Variants in TRPC4 observed in about 807,000 individuals in gnomAD.
The protein encoded by TRPC4 is short transient receptor potential channel 4.
Under a neutral mutation model 99.4 loss-of-function variants are expected in TRPC4, and 49 were observed. The observed-to-expected ratio is 0.49, with a 90% CI of 0.39 to 0.63. The LOEUF is 0.63. Ranked by LOEUF, TRPC4 falls within the 20% of genes least tolerant of loss-of-function variation. The pLI is 0.00. For synonymous variants in TRPC4, 454 were observed against 425.9 expected (o/e 1.07, Z -0.81); for missense variants, 898 against 1,152.9 (o/e 0.78, Z 3.20).
chr13:37,642,835 A>T (rs988179611), intron 8 of TRPC4, among the ~76,000 whole-genome samples: 1 of 150,482 alleles, frequency 6.6e-6, no homozygotes, highest in Non-Finnish European at 1.5e-5. Flanking sequence ...GATTCAAGCC[A>T]TTCCCCTGCC....
rs549858284 is a variant in TRPC4 at position 37,814,878 on chromosome 13, T to C, written c.-27-31518A>G. 1.2e-4 allele frequency among the ~76,000 whole-genome samples: 18 copies of C among 151,860 alleles called. 2 individuals are homozygous for C. In the South Asian group the frequency reaches 3.7e-3, roughly 31 times the overall value. ...AAGGGAACCAGACAAGCCAAAACAA[T>C]CTGATAAAACAGAAAAAAATTTGGA... On this transcript the variant is annotated intron_variant, in intron 1 of 10. Coordinates refer to ENST00000379705, the MANE Select transcript of TRPC4 (RefSeq NM_016179.4).
chr13:37,688,812 CAATT>C lies in TRPC4; in HGVS notation c.1234+3183_1234+3186del, dbSNP rs542765730. Among the ~76,000 whole-genome samples, 470 of 152,166 alleles carry C rather than the reference CAATT, an allele frequency of 3.1e-3. 3 individuals carry two copies. The highest frequency in any genetic ancestry group is 0.011 in the African/African-American group (458 of 41,508). ...ACAGAGTTCCAGTCTACCACTGAGA[CAATT>C]AACATGATGAGGGGACACACTTATA... On this transcript the variant is annotated intron_variant, in intron 4 of 10. Coordinates refer to ENST00000379705, the MANE Select transcript of TRPC4 (RefSeq NM_016179.4).
chr13:37,690,092 C>A (rs1177944925), intron 4 of TRPC4, among the ~76,000 whole-genome samples: 2 of 152,078 alleles, frequency 1.3e-5, no homozygotes, highest in East Asian at 3.9e-4. Context: ...TATAAGTTAG[C>A]CATTATGGAA....
At position 37,692,150 on chromosome 13, in the gene TRPC4, C is replaced by T. The variant is rs1953734523; in HGVS notation, c.1083G>A (p.Lys361=). 6.2e-7 allele frequency: 1 copy of T among 1,614,100 alleles called. No homozygotes were observed. The highest frequency in any genetic ancestry group is 1.3e-5 in the African/African-American group (1 of 75,022). ...PKSPLGLFIR[K]PFIKFICHTA... ...TGTGGCAGATAAACTTGATAAATGG[C>T]TTCCTGATGAACAGTCCAAGTGGGC... Residue 361 remains lysine, a synonymous_variant, in exon 4 of 11, where the codon AAG becomes AAA. Coordinates refer to ENST00000379705, the MANE Select transcript of TRPC4 (RefSeq NM_016179.4).
At position 37,792,081 on chromosome 13, in the gene TRPC4, C is replaced by T. The variant is rs527748031; in HGVS notation, c.-27-8721G>A. On this transcript the variant is annotated intron_variant, in intron 1 of 10. Coordinates refer to ENST00000379705, the MANE Select transcript of TRPC4 (RefSeq NM_016179.4). ...CTGATTTCTGATTTTAAAGATCACT[C>T]TCACTGCTGATTAATTAGCAATTAT... is the stretch of plus-strand genomic sequence containing the variant. 3.3e-5 allele frequency among the ~76,000 whole-genome samples: 5 copies of T among 152,244 alleles called. No individual in the cohort carries two copies. The South Asian group carries it at 1.0e-3, about 32-fold the overall frequency.
chr13:37,844,978 G>C (rs879904756), intron 1 of TRPC4, among the ~76,000 whole-genome samples: 2 of 152,162 alleles, frequency 1.3e-5, no homozygotes, highest in South Asian at 2.1e-4. Context: ...CTGCAAACCT[G>C]TCTGATCAGA....
chr13:37,656,601 T>C (rs1483648064), intron 6 of TRPC4, among the ~76,000 whole-genome samples: 1 of 152,094 alleles, frequency 6.6e-6, no homozygotes, highest in Non-Finnish European at 1.5e-5. Flanking sequence ...GTGGCATGCA[T>C]TAAGGCAAAA....
intron 1 of TRPC4, among the ~76,000 whole-genome samples, chr13:37,803,496 C>T (rs1192958527): frequency 6.6e-6 from 1 of 152,044 alleles, no homozygotes; most frequent in Non-Finnish European, 1.5e-5. Flanking sequence ...TCTATCACTA[C>T]AGGGTGAAGA....
intron 4 of TRPC4, among the ~76,000 whole-genome samples, 174 bp downstream of exon 4, chr13:37,691,825 C>A (rs1192132973): frequency 6.6e-6 from 1 of 152,156 alleles, no homozygotes; most frequent in Non-Finnish European, 1.5e-5. Flanking sequence ...TAAGCGGGTC[C>A]ACCGCAGCTT....
intron 1 of TRPC4, among the ~76,000 whole-genome samples, chr13:37,834,830 T>C (rs1444619265): frequency 6.6e-6 from 1 of 152,068 alleles, no homozygotes; most frequent in African/African-American, 2.4e-5. Flanking sequence ...TGGGTTCAAG[T>C]GATTCTTGAG....
At chr13:37,649,720 A>G (rs1188163717) in intron 8 of TRPC4, among the ~76,000 whole-genome samples, 2 of 117,278 alleles carry the variant, frequency 1.7e-5, no homozygotes, top group African/African-American at 6.8e-5. Context: ...CAACTGAGCG[A>G]GACTCCGTCT....
chr13:37,705,065 CAAAGGAT>C (rs1954224300), intron 3 of TRPC4, among the ~76,000 whole-genome samples: 1 of 152,028 alleles, frequency 6.6e-6, no homozygotes, highest in Admixed American at 6.6e-5. Flanking sequence ...ATCAATGTAT[CAAAGGAT>C]AAAGAAGCTG....
intron 5 of TRPC4, among the ~76,000 whole-genome samples, chr13:37,670,737 AG>A (rs1391131541): frequency 6.6e-6 from 1 of 152,212 alleles, no homozygotes; most frequent in East Asian, 1.9e-4. Flanking sequence ...GTAAAATAAA[AG>A]CCCGATAGCA....
intron 3 of TRPC4, among the ~76,000 whole-genome samples, chr13:37,721,052 C>T (rs1954850564): frequency 6.6e-6 from 1 of 152,152 alleles, no homozygotes; most frequent in African/African-American, 2.4e-5. Flanking sequence ...TTCATAACCT[C>T]ACAGACTATA....
At chr13:37,727,534 G>A (rs1464302298) in intron 3 of TRPC4, among the ~76,000 whole-genome samples, 1 of 151,716 alleles carries the variant, frequency 6.6e-6, no homozygotes, top group African/African-American at 2.4e-5. Flanking sequence ...CAAGCACAAA[G>A]CTAACAGAAG....
intron 1 of TRPC4, among the ~76,000 whole-genome samples, chr13:37,836,108 T>G (rs1366691691): frequency 6.6e-6 from 1 of 152,180 alleles, no homozygotes; most frequent in African/African-American, 2.4e-5. Context: ...CTTTGCCTGC[T>G]GCCATCCATG....
intron 1 of TRPC4, among the ~76,000 whole-genome samples, chr13:37,827,745 C>A (rs1256403296): frequency 6.6e-6 from 1 of 152,220 alleles, no homozygotes; most frequent in Non-Finnish European, 1.5e-5. Flanking sequence ...GCCCTGCCCC[C>A]AGAGGTGGAG....
At position 37,849,683 on chromosome 13, in the gene TRPC4, A is replaced by G. The variant is rs149265378; in HGVS notation, c.-28+19912T>C. Among the ~76,000 whole-genome samples, 388 of 152,324 alleles carry G rather than the reference A, an allele frequency of 2.5e-3. 1 individual carries two copies. Among genetic ancestry groups the G allele is most frequent in the African/African-American group, 9.1e-3 (378 of 41,578 alleles). On this transcript the variant is annotated intron_variant, in intron 1 of 10. Coordinates refer to ENST00000379705, the MANE Select transcript of TRPC4 (RefSeq NM_016179.4). ...CTGGAAGGGATTGTGGAAAACAAAA[A>G]CAAAAACAAAAAACACAAACTTGGA...
In TRPC4 at chr13:37,637,317, G is replaced by A. The variant is rs1166309569; in HGVS notation, c.2520C>T (p.Thr840=). 7 of 1,613,558 alleles carry A rather than the reference G, an allele frequency of 4.3e-6. No homozygotes were observed. Among genetic ancestry groups the A allele is most frequent in the East Asian group, 2.2e-5 (1 of 44,870 alleles). ...REKQRKVNFV[T]DIKNFGLFHR... ...GAAATAACCCAAAGTTTTTGATATC[G>A]GTCACAAAATTCACTTTTCTCTGCT... The change falls in exon 11 of 11, where the codon ACC becomes ACT. Residue 840 remains threonine, a synonymous_variant. Coordinates refer to ENST00000379705, the MANE Select transcript of TRPC4 (RefSeq NM_016179.4).
Sources: gnomAD v4.1 joint callset for allele counts (sites outside exome capture counted in the v4.1 genomes callset) on GRCh38, gnomAD v4.1.1 for gene constraint, MANE v1.5 for transcripts, NCBI Gene and HGNC (gene_info 2026-07-23, HGNC 2026-07-21) for gene names.